The following RPH3AL variants were observed in gnomAD, a reference collection of about 807,000 sequenced individuals.
The protein encoded by RPH3AL is rab effector Noc2.
In RPH3AL, 38 loss-of-function variants were observed where a neutral mutation model predicts 43.1. The observed-to-expected ratio is 0.88, with a 90% confidence interval of 0.68 to 1.15. The LOEUF is 1.15. RPH3AL is among the 50% of genes most tolerant of loss of function. The pLI, the probability that RPH3AL is intolerant of heterozygous loss-of-function variation, is 0.00. For missense variants in RPH3AL, 462 were observed against 423.2 expected, an observed-to-expected ratio of 1.09 and a Z score of -0.81; for synonymous variants, 189 against 176.3, an observed-to-expected ratio of 1.07 and a Z score of -0.57.
intron 7 of RPH3AL, among the ~76,000 whole-genome samples, chr17:239,720 G>A (rs1422210000): frequency 6.6e-6 from 1 of 152,086 alleles, no homozygotes; most frequent in African/African-American, 2.4e-5. Context: ...TCAAGCTCCT[G>A]GGCTCAAGTG....
intron 7 of RPH3AL, among the ~76,000 whole-genome samples, chr17:222,690 A>C (rs1242340876): frequency 1.3e-5 from 2 of 152,176 alleles, no homozygotes; most frequent in Non-Finnish European, 2.9e-5. Flanking sequence ...AGATTGGCCC[A>C]CACAGTCTCT....
intron 5 of RPH3AL, among the ~76,000 whole-genome samples, chr17:306,247 C>T (rs908423860): frequency 6.6e-6 from 1 of 151,984 alleles, no homozygotes; most frequent in Non-Finnish European, 1.5e-5. Flanking sequence ...CCCAGCTCCA[C>T]CGCCAACATG....
chr17:298,892 G>T (rs759576847), intron 5 of RPH3AL, among the ~76,000 whole-genome samples: 13 of 152,008 alleles, frequency 8.6e-5, no homozygotes, highest in Non-Finnish European at 1.9e-4. Context: ...ACGGCAGGTC[G>T]GGGCCGGGGG....
At chr17:315,112 C>A (rs1035835671) in intron 5 of RPH3AL, among the ~76,000 whole-genome samples, 1 of 94,350 alleles carries the variant, frequency 1.1e-5, no homozygotes, top group Non-Finnish European at 2.4e-5. Context: ...GACCCCACCT[C>A]CATTGACCTG....
At chr17:304,977 G>GTCAT (rs1567631207) in intron 5 of RPH3AL, among the ~76,000 whole-genome samples, 3 of 57,554 alleles carry the variant, frequency 5.2e-5, no homozygotes, top group African/African-American at 2.2e-4. Flanking sequence ...GGGGGACAGG[G>GTCAT]CGGGAGGGGG....
At chr17:249,413 G>A (rs1555541415) in intron 6 of RPH3AL, among the ~76,000 whole-genome samples, 1 of 152,004 alleles carries the variant, frequency 6.6e-6, no homozygotes, top group Non-Finnish European at 1.5e-5. Context: ...TGAGGATCAG[G>A]CCCAAGAATG....
chr17:341,419 CCAA>C (rs1221648144), intron 1 of RPH3AL: 1 of 152,164 alleles, frequency 6.6e-6, no homozygotes, highest in African/African-American at 2.4e-5. Context: ...AACAGTCCTT[CCAA>C]CAACATCTGC....
At chr17:269,695 G>A (rs1478980456) in intron 6 of RPH3AL, among the ~76,000 whole-genome samples, 1 of 152,220 alleles carries the variant, frequency 6.6e-6, no homozygotes, top group African/African-American at 2.4e-5. Context: ...TCATGGCCTG[G>A]CCCTTAGTGG....
intron 7 of RPH3AL, among the ~76,000 whole-genome samples, chr17:231,605 G>A (rs1327839698): frequency 1.3e-5 from 2 of 152,224 alleles, no homozygotes; most frequent in African/African-American, 4.8e-5. Flanking sequence ...CCCGAGACAG[G>A]TGAGCGGCTG....
chr17:235,244 C>T (rs35579023), intron 7 of RPH3AL, among the ~76,000 whole-genome samples: 13,783 of 132,552 alleles, frequency 0.1, 840 homozygotes, highest in Non-Finnish European at 0.11. Context: ...ACTAACAAGA[C>T]GGGTCCAGGG....
intron 6 of RPH3AL, among the ~76,000 whole-genome samples, chr17:262,431 G>A (rs968343674): frequency 1.3e-5 from 2 of 152,246 alleles, no homozygotes; most frequent in South Asian, 4.2e-4. Flanking sequence ...CGCCGGGCTG[G>A]TCTTGAACTG....
At chr17:235,199 C>G (rs755101917) in intron 7 of RPH3AL, among the ~76,000 whole-genome samples, 1,788 of 129,674 alleles carry the variant, frequency 0.014, no homozygotes, top group Non-Finnish European at 0.02. Flanking sequence ...CAAGAGGGAT[C>G]CCGGGTTCAA....
At chr17:304,772 G>T (rs942265805) in intron 5 of RPH3AL, among the ~76,000 whole-genome samples, 9 of 151,626 alleles carry the variant, frequency 5.9e-5, no homozygotes, top group African/African-American at 2.2e-4. Flanking sequence ...GTTCCCTCCC[G>T]CCCTGCCCCA....
rs2043005663 is a variant in RPH3AL, at chr17:289,809, AC to A, written c.352-7956del. ...ACGCTGTCTCTTCATTAACCTACAC[AC>A]CCCTCGGACCTCAGCAAAAGCACCA... On this transcript the variant is annotated intron_variant, in intron 5 of 9. Transcript: ENST00000331302. This position sits in a 1 kb window ranked among gnomAD's most constrained non-coding sequence, Gnocchi z 5.2. Among the ~76,000 whole-genome samples the A allele has an allele frequency of 6.6e-6, 1 of 151,282 alleles. No homozygotes were observed. The highest frequency in any genetic ancestry group is 2.4e-5 in the African/African-American group (1 of 41,074).
intron 6 of RPH3AL, among the ~76,000 whole-genome samples, chr17:272,827 T>C (rs1191934676): frequency 1.3e-5 from 2 of 151,442 alleles, no homozygotes; most frequent in East Asian, 3.9e-4. Context: ...GAAGCCACTT[T>C]TCTTTTTTTA....
At chr17:299,537 G>A (rs1255613099) in intron 5 of RPH3AL, among the ~76,000 whole-genome samples, 1 of 152,148 alleles carries the variant, frequency 6.6e-6, no homozygotes, top group Non-Finnish European at 1.5e-5. Context: ...TGCCCCCCGT[G>A]TCCTCCCACA....
chr17:327,533 G>T lies in RPH3AL; in HGVS notation c.11C>A (p.Thr4Asn). The change falls in exon 3 of 10, where the codon ACC becomes AAC. Residue 4 changes from threonine to asparagine, a missense_variant. By Grantham distance (65) the Thr-to-Asn change is moderately conservative. Transcript: ENST00000331302. ...CTGATCATTCCCGCTGCCGAAGATG[G>T]TGTCGGCCATGGCTCGGAGCACCCG... MAD[T>N]IFGSGNDQWV... The T allele has an allele frequency of 1.2e-6, 2 of 1,613,844 alleles. No individual in the cohort carries two copies. Among genetic ancestry groups the T allele is most frequent in the Non-Finnish European group, 8.5e-7 (1 of 1,179,930 alleles).
At chr17:229,277 G>A (rs2041172571) in intron 7 of RPH3AL, among the ~76,000 whole-genome samples, 1 of 152,150 alleles carries the variant, frequency 6.6e-6, no homozygotes, top group South Asian at 2.1e-4. Context: ...ACCACTCGAG[G>A]GCAAGGCCAT....
chr17:267,501 C>T (rs555860142), intron 6 of RPH3AL, among the ~76,000 whole-genome samples: 1 of 152,218 alleles, frequency 6.6e-6, no homozygotes, highest in Non-Finnish European at 1.5e-5. Context: ...AACAAATGTG[C>T]CTGTGTTTAA....
Sources: allele counts gnomAD v4.1 joint callset (sites outside exome capture counted in the v4.1 genomes callset), GRCh38; gene constraint gnomAD v4.1.1; non-coding constraint Gnocchi (gnomAD v3.1); transcripts MANE v1.5; gene names NCBI Gene and HGNC (gene_info 2026-07-23, HGNC 2026-07-21).